LIPK: variants seen among roughly 807,000 people sequenced by gnomAD.
LIPK encodes the protein lipase family member K.
LIPK carries 32 observed loss-of-function variants against 48.6 expected under a neutral mutation model. The observed-to-expected ratio is 0.66, with a 90% CI of 0.50 to 0.88. The LOEUF (loss-of-function observed/expected upper bound fraction) is 0.88. LIPK is among the 40% of genes least tolerant of loss of function. The probability of loss-of-function intolerance (pLI) is 0.00; values close to 1 mark genes in which losing one functional copy is unlikely to be tolerated. For synonymous variants in LIPK, 164 were observed against 157.4 expected, an observed-to-expected ratio of 1.04 and a Z score of -0.32; for missense variants, 507 against 478.5, an observed-to-expected ratio of 1.06 and a Z score of -0.56.
intron 1 of LIPK, among the ~76,000 whole-genome samples, chr10:88,712,898 G>C (rs1379502290): frequency 6.6e-6 from 1 of 152,148 alleles, no homozygotes; most frequent in Non-Finnish European, 1.5e-5. Context: ...TTTTTAACCA[G>C]AGGGTCAGAT....
At chr10:88,740,148 G>A in intron 8 of LIPK, 81 bp downstream of exon 8, 2 of 951,992 alleles carry the variant, frequency 2.1e-6, no homozygotes, top group Non-Finnish European at 1.6e-6. Context: ...CTCACTGCAG[G>A]GTTCTGCTGG....
At chr10:88,719,275 T>C (rs1029322083) in intron 1 of LIPK, among the ~76,000 whole-genome samples, 1 of 152,236 alleles carries the variant, frequency 6.6e-6, no homozygotes, top group African/African-American at 2.4e-5. Flanking sequence ...ACCATACAGA[T>C]AAGAAAATTA....
At chr10:88,731,679 C>A (rs551239664) in intron 4 of LIPK, among the ~76,000 whole-genome samples, 2 of 152,340 alleles carry the variant, frequency 1.3e-5, no homozygotes, top group South Asian at 2.1e-4. Flanking sequence ...TAGTCCATTG[C>A]ACCCTTGCAA....
intron 1 of LIPK, among the ~76,000 whole-genome samples, chr10:88,707,477 G>A (rs977252433): frequency 6.6e-6 from 1 of 152,036 alleles, no homozygotes; most frequent in African/African-American, 2.4e-5. Context: ...TACCAGGCAG[G>A]ACAAGTGTTT....
At chr10:88,712,240 G>A (rs74610239) in intron 1 of LIPK, among the ~76,000 whole-genome samples, 2,423 of 152,228 alleles carry the variant, frequency 0.016, 66 homozygotes, top group African/African-American at 0.056. Context: ...AGCAAGTGTA[G>A]TGCAATGATG....
chr10:88,721,836 A>G (rs922245767), intron 1 of LIPK, among the ~76,000 whole-genome samples: 3 of 152,182 alleles, frequency 2.0e-5, no homozygotes, highest in African/African-American at 7.2e-5. Flanking sequence ...GAGAAGACCA[A>G]TTTTTACACA....
chr10:88,717,979 C>T (rs1482965021), intron 1 of LIPK, among the ~76,000 whole-genome samples: 1 of 151,506 alleles, frequency 6.6e-6, no homozygotes, highest in Non-Finnish European at 1.5e-5. Context: ...TCTCTTGGGG[C>T]AGGAAAGAGG....
At chr10:88,742,856 A>C (rs1842704060) in intron 8 of LIPK, among the ~76,000 whole-genome samples, 1 of 152,266 alleles carries the variant, frequency 6.6e-6, no homozygotes, top group Non-Finnish European at 1.5e-5. Context: ...TAACAATAGC[A>C]GTAATTTTTA....
chr10:88,722,543 G>A (rs752283734), intron 1 of LIPK, among the ~76,000 whole-genome samples: 4 of 152,142 alleles, frequency 2.6e-5, no homozygotes, highest in African/African-American at 7.2e-5. Flanking sequence ...TCAGCTAGGC[G>A]GTGGTGAGGT....
chr10:88,740,167 A>G, intron 8 of LIPK, 100 bp downstream of exon 8: 1 of 692,862 alleles, frequency 1.4e-6, no homozygotes, highest in Non-Finnish European at 2.4e-6. Context: ...GGCACCTGCC[A>G]CTGCCACATT....
intron 4 of LIPK, 109 bp from the exon 5 acceptor site, chr10:88,732,069 C>A (rs1831896397): frequency 1.4e-6 from 1 of 692,818 alleles, no homozygotes; most frequent in Admixed American, 2.8e-5. Flanking sequence ...CGACACTAGT[C>A]TTATATTTAA....
At chr10:88,751,673 G>A (rs117951825) in intron 9 of LIPK, among the ~76,000 whole-genome samples, 280 of 152,240 alleles carry the variant, frequency 1.8e-3, no homozygotes, top group Admixed American at 6.0e-3. Context: ...GGCAGGAGTG[G>A]GGTGGGGATA....
chr10:88,738,118 A>G (rs1458986006), intron 7 of LIPK, among the ~76,000 whole-genome samples: 1 of 152,180 alleles, frequency 6.6e-6, no homozygotes, highest in Non-Finnish European at 1.5e-5. Context: ...AGACATTTGC[A>G]TTTTTATTTG....
intron 2 of LIPK, 96 bp downstream of exon 2, chr10:88,724,744 T>C: frequency 1.3e-6 from 1 of 757,652 alleles, no homozygotes; most frequent in Non-Finnish European, 2.1e-6. Context: ...TTTTCAGCAA[T>C]TCCTCCAGTG....
In LIPK at chr10:88,737,800, G is replaced by A. The variant is rs145655545; in HGVS notation, c.816+19G>A. On this transcript the variant is annotated intron_variant, in intron 7 of 9. Coordinates refer to ENST00000404190, the MANE Select transcript of LIPK (RefSeq NM_001080518.2). ...AAATATGGTAGGTGTAAGTAATTGG[G>A]TCTGGGAAAACATTTGTTTTGTTGC... 8.0e-4 allele frequency: 1,292 copies of A among 1,611,872 alleles called. 9 individuals are homozygous for A. In the African/African-American group the frequency reaches 0.016, roughly 20 times the overall value.
At chr10:88,740,534 AGTTTTATTT>A (rs1842659942) in intron 8 of LIPK, among the ~76,000 whole-genome samples, 2 of 152,234 alleles carry the variant, frequency 1.3e-5, no homozygotes, top group Non-Finnish European at 2.9e-5. Context: ...CTTCAGCTAA[AGTTTTATTT>A]GTTTTATTTT....
intron 4 of LIPK, among the ~76,000 whole-genome samples, 175 bp downstream of exon 4, chr10:88,731,356 T>TATTATTG (rs1169988113): frequency 2.6e-5 from 4 of 152,184 alleles, no homozygotes. Context: ...GAACTGCCAT[T>TATTATTG]ATTATTGCAT....
At chr10:88,707,128 TG>T (rs1344520010) in intron 1 of LIPK, among the ~76,000 whole-genome samples, 2 of 152,286 alleles carry the variant, frequency 1.3e-5, no homozygotes, top group Admixed American at 6.5e-5. Flanking sequence ...AGTTATCCTT[TG>T]TTTTCTTTTT....
At chr10:88,752,182 T>C (rs1291295411) in intron 9 of LIPK, among the ~76,000 whole-genome samples, 1 of 152,162 alleles carries the variant, frequency 6.6e-6, no homozygotes. Context: ...CTATCCGACA[T>C]TTTGTTTGAA....
Sources: allele counts gnomAD v4.1 joint callset (sites outside exome capture counted in the v4.1 genomes callset), GRCh38; gene constraint gnomAD v4.1.1; transcripts MANE v1.5; gene names NCBI Gene and HGNC (gene_info 2026-07-23, HGNC 2026-07-21).